Variants in PSD3 observed in about 807,000 individuals in gnomAD.
PSD3 encodes the protein pleckstrin and Sec7 domain containing 3.
In PSD3, 49 loss-of-function variants were observed where a neutral mutation model predicts 105.5. The observed-to-expected ratio is 0.46, with a 90% confidence interval of 0.37 to 0.59. The LOEUF is 0.59. PSD3 is among the 20% of genes least tolerant of loss of function. The probability of loss-of-function intolerance (pLI) is 0.00; values close to 1 mark genes in which losing one functional copy is unlikely to be tolerated. For missense variants in PSD3, 1,561 were observed against 1,263.8 expected, an observed-to-expected ratio of 1.24 and a Z score of -3.57; for synonymous variants, 557 against 457.8, an observed-to-expected ratio of 1.22 and a Z score of -2.77.
intron 4 of PSD3, among the ~76,000 whole-genome samples, chr8:18,836,665 G>C (rs988899796): frequency 6.6e-6 from 1 of 152,130 alleles, no homozygotes; most frequent in African/African-American, 2.4e-5. Flanking sequence ...AAATGGTGTA[G>C]TATTTGCATA....
intron 4 of PSD3, among the ~76,000 whole-genome samples, chr8:18,858,065 T>G (rs1459606475): frequency 1.3e-5 from 2 of 152,148 alleles, no homozygotes; most frequent in Non-Finnish European, 2.9e-5. Context: ...CTGTCTCAAG[T>G]ACTAAAAATG....
chr8:18,661,766 C>T (rs1220644686), intron 9 of PSD3, among the ~76,000 whole-genome samples: 1 of 152,116 alleles, frequency 6.6e-6, no homozygotes, highest in Non-Finnish European at 1.5e-5. Context: ...GAAGGCTTGA[C>T]CACAAGAGAA....
chr8:18,562,931 G>GAAAAAGA (rs1554512080), intron 14 of PSD3, among the ~76,000 whole-genome samples: 2 of 1,246 alleles, frequency 1.6e-3, no homozygotes, highest in African/African-American at 3.2e-3. Flanking sequence ...AAAAGAAAAA[G>GAAAAAGA]AAAAAACAAA....
chr8:18,849,251 CACAG>C (rs1174118706), intron 4 of PSD3: 1 of 152,200 alleles, frequency 6.6e-6, no homozygotes, highest in African/African-American at 2.4e-5. Flanking sequence ...GAATTCCAAT[CACAG>C]ACAATTACTC....
intron 9 of PSD3, among the ~76,000 whole-genome samples, chr8:18,711,451 G>C (rs547907358): frequency 2.6e-5 from 4 of 152,110 alleles, no homozygotes; most frequent in African/African-American, 9.6e-5. Flanking sequence ...AAAGCACATG[G>C]AAAACAGAAA....
Position 18,674,203 on chromosome 8 carries a change from A to G in PSD3, c.2173-18518T>C, listed in dbSNP as rs143762268. Among the ~76,000 whole-genome samples the G allele has an allele frequency of 3.6e-3, 544 of 152,162 alleles. 3 individuals are homozygous for G. The highest frequency in any genetic ancestry group is 0.013 in the African/African-American group (523 of 41,532). ...TGCGGCTATCAAAGCAGGGGAGGGC[A>G]TTCAGAAGGTCGACTTACTAATTTT... On this transcript the variant is annotated intron_variant, in intron 9 of 15. Transcript: ENST00000327040.
intron 4 of PSD3, among the ~76,000 whole-genome samples, chr8:18,845,210 C>A (rs1440489225): frequency 6.6e-6 from 1 of 152,094 alleles, no homozygotes; most frequent in African/African-American, 2.4e-5. Context: ...AAGCTGGCAG[C>A]ATAAATTATA....
At chr8:18,784,339 C>T (rs983903051) in intron 8 of PSD3, among the ~76,000 whole-genome samples, 7 of 152,188 alleles carry the variant, frequency 4.6e-5, no homozygotes, top group African/African-American at 1.7e-4. Flanking sequence ...AGGAATAAGA[C>T]TTTTTCCCTA....
At chr8:18,967,951 G>C (rs990532936) in intron 1 of PSD3, among the ~76,000 whole-genome samples, 3 of 152,152 alleles carry the variant, frequency 2.0e-5, no homozygotes, top group Non-Finnish European at 4.4e-5. Context: ...CAATATCCAA[G>C]TTCTACAAAA....
At chr8:19,051,290 C>G (rs1828520809) in intron 1 of PSD3, among the ~76,000 whole-genome samples, 1 of 152,232 alleles carries the variant, frequency 6.6e-6, no homozygotes, top group Non-Finnish European at 1.5e-5. Context: ...TTCCATTATC[C>G]AGGTCCTAAG....
At chr8:18,699,514 G>C (rs919423797) in intron 9 of PSD3, among the ~76,000 whole-genome samples, 1 of 152,136 alleles carries the variant, frequency 6.6e-6, no homozygotes, top group Non-Finnish European at 1.5e-5. Context: ...AATTCATAGA[G>C]TGTAGTGAAA....
chr8:18,960,123 C>G lies in PSD3; in HGVS notation c.22-23981G>C, dbSNP rs114235759. 4.8e-3 allele frequency among the ~76,000 whole-genome samples: 724 copies of G among 152,284 alleles called. 5 individuals are homozygous for G. The highest frequency in any genetic ancestry group is 0.017 in the African/African-American group (702 of 41,548). ...AACATCTACAATAATGTCTCGTATA[C>G]TGATAGCAGTTTCTCTATCAAGAAA... On this transcript the variant is annotated intron_variant, in intron 1 of 15. Coordinates refer to ENST00000327040, the MANE Select transcript of PSD3 (RefSeq NM_015310.4).
intron 1 of PSD3, among the ~76,000 whole-genome samples, chr8:18,936,790 T>A (rs966798364): frequency 6.6e-6 from 1 of 152,118 alleles, no homozygotes; most frequent in Admixed American, 6.6e-5. Flanking sequence ...TATTTTGTTT[T>A]TAAACACATC....
At chr8:18,698,578 C>T (rs1305113935) in intron 9 of PSD3, among the ~76,000 whole-genome samples, 1 of 152,126 alleles carries the variant, frequency 6.6e-6, no homozygotes, top group African/African-American at 2.4e-5. Context: ...AAGATTCTCC[C>T]CTCGAGCCTC....
chr8:18,731,868 T>G (rs1411264033), intron 9 of PSD3, among the ~76,000 whole-genome samples: 1 of 152,198 alleles, frequency 6.6e-6, no homozygotes. Context: ...ATAAAAATGT[T>G]TACCCTAGAT....
intron 2 of PSD3, among the ~76,000 whole-genome samples, chr8:18,930,904 C>T (rs1358065058): frequency 6.6e-6 from 1 of 152,158 alleles, no homozygotes. Flanking sequence ...TTTTACATTC[C>T]TGCCACCAGT....
intron 9 of PSD3, among the ~76,000 whole-genome samples, chr8:18,671,789 G>A (rs896366417): frequency 2.0e-5 from 3 of 151,978 alleles, no homozygotes; most frequent in South Asian, 4.2e-4. Context: ...CCGCCATGAC[G>A]TCCGGCTAAT....
chr8:18,865,250 A>T (rs369921942), intron 4 of PSD3: 12 of 7,188 alleles, frequency 1.7e-3, no homozygotes, highest in East Asian at 3.2e-3. Flanking sequence ...ATATATATAT[A>T]TATATATATA....
intron 1 of PSD3, among the ~76,000 whole-genome samples, chr8:19,074,603 ATATATATATTTTTT>A (rs566236578): frequency 0.4 from 23,340 of 58,386 alleles, 3,164 homozygotes; most frequent in East Asian, 0.48. Flanking sequence ...ATATATATAT[ATATATATATTTTTT>A]TTTTTTTTTT....
Sources: allele counts gnomAD v4.1 joint callset (sites outside exome capture counted in the v4.1 genomes callset), GRCh38; gene constraint gnomAD v4.1.1; transcripts MANE v1.5; gene names NCBI Gene and HGNC (gene_info 2026-07-23, HGNC 2026-07-21).